Variants in RALGPS1 observed in about 807,000 individuals in gnomAD.
RALGPS1 encodes ras-specific guanine nucleotide-releasing factor RalGPS1.
A neutral mutation model predicts 78.8 loss-of-function variants in RALGPS1; 19 were observed. That is an observed-to-expected ratio of 0.24 (90% CI 0.17 to 0.35). The LOEUF (loss-of-function observed/expected upper bound fraction) is 0.35, where lower values mean the gene tolerates loss of function less well. Among genes scored for constraint, RALGPS1 ranks in the 10% least tolerant of loss-of-function variants. The probability of loss-of-function intolerance (pLI) is 1.00; values close to 1 mark genes in which losing one functional copy is unlikely to be tolerated. For synonymous variants in RALGPS1, 228 were observed against 256.3 expected, an observed-to-expected ratio of 0.89 and a Z score of 1.06; for missense variants, 454 against 688.3, an observed-to-expected ratio of 0.66 and a Z score of 3.81.
intron 4 of RALGPS1, among the ~76,000 whole-genome samples, chr9:127,030,499 G>A (rs572734467): frequency 1.3e-5 from 2 of 152,262 alleles, no homozygotes; most frequent in East Asian, 3.9e-4. Context: ...TAGTTGGGAA[G>A]TTGTCTTAGG....
At chr9:127,178,485 T>G in intron 11 of RALGPS1, 3 of 990,244 alleles carry the variant, frequency 3.0e-6, no homozygotes, top group Non-Finnish European at 3.6e-6. Context: ...TAGGTGGAAC[T>G]TGATCATGGT....
At chr9:127,062,540 CT>C (rs1589268742) in intron 7 of RALGPS1, among the ~76,000 whole-genome samples, 1 of 152,218 alleles carries the variant, frequency 6.6e-6, no homozygotes, top group East Asian at 1.9e-4. Flanking sequence ...GAGTACTACA[CT>C]TTTATAATCA....
At chr9:126,975,188 C>T (rs1412150289) in intron 3 of RALGPS1, among the ~76,000 whole-genome samples, 3 of 152,088 alleles carry the variant, frequency 2.0e-5, no homozygotes, top group Non-Finnish European at 4.4e-5. Context: ...TCTTCTGAAA[C>T]CTCATTATGT....
chr9:127,022,174 C>T lies in RALGPS1; in HGVS notation c.217-12257C>T, dbSNP rs201810310. On this transcript the variant is annotated intron_variant, in intron 4 of 18. Coordinates refer to ENST00000259351, the MANE Select transcript of RALGPS1 (RefSeq NM_014636.3). ...CATTTTTCCACAGTGATCCTTTCCC[C>T]CTCTTGTGGTTTGTCTAGCCAGGGG... Among the ~76,000 whole-genome samples the T allele has an allele frequency of 1.2e-4, 19 of 152,150 alleles. No individual in the cohort carries two copies. The East Asian group carries it at 3.7e-3, about 29-fold the overall frequency.
intron 1 of RALGPS1, among the ~76,000 whole-genome samples, chr9:126,935,049 C>T (rs2036133984): frequency 6.6e-6 from 1 of 152,176 alleles, no homozygotes; most frequent in African/African-American, 2.4e-5. Flanking sequence ...ATTCTTGCCC[C>T]CTGAGATTCT....
At chr9:127,184,472 T>C (rs1158567183) in intron 11 of RALGPS1, 1 of 210,988 alleles carries the variant, frequency 4.7e-6, no homozygotes, top group African/African-American at 2.4e-5. Context: ...CTGTGAAACC[T>C]GGCCAGAGAA....
chr9:127,021,603 AAAAG>A (rs2045453898), intron 4 of RALGPS1, among the ~76,000 whole-genome samples: 1 of 151,030 alleles, frequency 6.6e-6, no homozygotes, highest in Admixed American at 6.6e-5. Context: ...CTAATTAAAA[AAAAG>A]AAAAGTTTTT....
chr9:127,019,396 C>T (rs1465670188), intron 4 of RALGPS1, among the ~76,000 whole-genome samples: 1 of 152,016 alleles, frequency 6.6e-6, no homozygotes, highest in East Asian at 1.9e-4. Flanking sequence ...GGTGCAATCT[C>T]GGCTCACTGC....
chr9:127,162,373 C>T (rs2417048), intron 8 of RALGPS1, among the ~76,000 whole-genome samples: 148,736 of 152,366 alleles, frequency 0.98, 72,606 homozygotes, highest in East Asian at 1. Flanking sequence ...GTTATTCTTA[C>T]GATTTCATTA....
At position 127,211,663 on chromosome 9, in the gene RALGPS1, G is replaced by A. The variant is rs529603851; in HGVS notation, c.1248-468G>A. Among the ~76,000 whole-genome samples, 4 of 152,138 alleles carry A rather than the reference G, an allele frequency of 2.6e-5. No homozygotes were observed. The highest frequency in any genetic ancestry group is 6.5e-5 in the Admixed American group (1 of 15,284). Reference sequence around the variant, plus strand: ...CCGGGAAAGATGTGGGGAATGGTGCGTGTGGGCTCGCGTCCCTCCTGTCCC... The same window carrying A: ...CCGGGAAAGATGTGGGGAATGGTGCATGTGGGCTCGCGTCCCTCCTGTCCC... On this transcript the variant is annotated intron_variant, in intron 14 of 18. Coordinates refer to ENST00000259351, the MANE Select transcript of RALGPS1 (RefSeq NM_014636.3). This position sits in a 1 kb window ranked among gnomAD's most constrained non-coding sequence, Gnocchi z 5.0.
chr9:127,100,432 T>C (rs545600358), intron 8 of RALGPS1, among the ~76,000 whole-genome samples: 44 of 152,288 alleles, frequency 2.9e-4, no homozygotes, highest in Admixed American at 5.9e-4. Flanking sequence ...TCCAAAGCAT[T>C]GCGTCGCTCT....
intron 1 of RALGPS1, among the ~76,000 whole-genome samples, chr9:126,918,522 T>C (rs1023812429): frequency 1.8e-4 from 27 of 152,194 alleles, no homozygotes; most frequent in African/African-American, 4.3e-4. Flanking sequence ...GGAGTCTCAC[T>C]ATGTTGCCCA....
Position 127,041,615 on chromosome 9 carries a change from C to T in RALGPS1, c.300+7101C>T, listed in dbSNP as rs368518108. On this transcript the variant is annotated intron_variant, in intron 5 of 18. Transcript: ENST00000259351. ...GACAGTTACGTCTGGTTCTGGGTGC[C>T]TCACGTGAGGGGTGAGGGTGGGAAT... 9.3e-4 allele frequency among the ~76,000 whole-genome samples: 142 copies of T among 152,266 alleles called. 2 individuals are homozygous for T. The South Asian group carries it at 0.026, about 28-fold the overall frequency.
At chr9:127,196,664 G>A (rs2061363428) in intron 13 of RALGPS1, 33 bp downstream of exon 13, 1 of 1,549,802 alleles carries the variant, frequency 6.5e-7, no homozygotes, top group African/African-American at 1.4e-5. Flanking sequence ...TGATAGGCTG[G>A]TGGGCTGTAG....
intron 8 of RALGPS1, among the ~76,000 whole-genome samples, chr9:127,095,731 A>C (rs1225226842): frequency 6.6e-6 from 1 of 152,208 alleles, no homozygotes; most frequent in Non-Finnish European, 1.5e-5. Flanking sequence ...CACACTTCTC[A>C]GATTCCTTCC....
chr9:127,218,825 G>A lies in RALGPS1; in HGVS notation c.*56G>A, dbSNP rs1441794901. ...GCTTCTGGGAACCCAGGCTGGGCCT[G>A]GTGGTGAAGAGCAGTCCTGGGCACA... On this transcript the variant is annotated 3_prime_UTR_variant, in exon 19 of 19. Transcript: ENST00000259351. This position sits in a 1 kb window ranked among gnomAD's most constrained non-coding sequence, Gnocchi z 4.4. The A allele has an allele frequency of 4.4e-6, 7 of 1,578,866 alleles. No individual in the cohort carries two copies. The highest frequency in any genetic ancestry group is 1.1e-5 in the South Asian group (1 of 90,382).
Position 127,174,763 on chromosome 9 carries a change from T to C in RALGPS1, c.891T>C (p.Ser297=). 6.2e-7 allele frequency: 1 copy of C among 1,614,132 alleles called. No homozygotes were observed. The highest frequency in any genetic ancestry group is 1.1e-5 in the South Asian group (1 of 91,082). ...GAAGCAGCTCTCCAAGACTAGTCTC[T>C]TCCAAGGAAGATCTTGCAGGTATCG... ...EPGSSSPRLV[S]SKEDLAGPSA... The change falls in exon 11 of 19, where the codon TCT becomes TCC. Residue 297 remains serine (S), a synonymous_variant. Coordinates refer to ENST00000259351, the MANE Select transcript of RALGPS1 (RefSeq NM_014636.3).
At chr9:127,201,932 T>C (rs1165578662) in intron 14 of RALGPS1, among the ~76,000 whole-genome samples, 1 of 152,120 alleles carries the variant, frequency 6.6e-6, no homozygotes, top group Non-Finnish European at 1.5e-5. Flanking sequence ...ACAGAGGCCG[T>C]GGAGCCAGAG....
intron 8 of RALGPS1, among the ~76,000 whole-genome samples, chr9:127,154,209 C>G (rs1237589673): frequency 6.6e-6 from 1 of 152,158 alleles, no homozygotes; most frequent in Non-Finnish European, 1.5e-5. Context: ...GCCTACAGAC[C>G]CTGACCAGGG....
Sources: allele counts gnomAD v4.1 joint callset (sites outside exome capture counted in the v4.1 genomes callset), GRCh38; gene constraint gnomAD v4.1.1; non-coding constraint Gnocchi (gnomAD v3.1); transcripts MANE v1.5; gene names NCBI Gene and HGNC (gene_info 2026-07-23, HGNC 2026-07-21).